SRD5A1: variants seen among roughly 807,000 people sequenced by gnomAD.
SRD5A1 encodes 3-oxo-5-alpha-steroid 4-dehydrogenase 1.
SRD5A1 carries 22 observed loss-of-function variants against 28.2 expected under a neutral mutation model. That is an observed-to-expected ratio of 0.78 (90% CI 0.56 to 1.12). The LOEUF (loss-of-function observed/expected upper bound fraction) is 1.12, where lower values mean the gene tolerates loss of function less well. Among genes scored for constraint, SRD5A1 ranks in the 50% most tolerant of loss-of-function variants. The pLI is 0.00. For synonymous variants in SRD5A1, 151 were observed against 135.0 expected (o/e 1.12, Z -0.82); for missense variants, 300 against 346.7 (o/e 0.87, Z 1.07).
At chr5:6,636,928 G>A (rs1738200921) in intron 1 of SRD5A1, among the ~76,000 whole-genome samples, 5 of 152,122 alleles carry the variant, frequency 3.3e-5, no homozygotes, top group Admixed American at 1.3e-4. Context: ...ACAGGGCTGG[G>A]GTGGGGGGAT....
chr5:6,661,896 A>G (rs1333873702), intron 3 of SRD5A1, among the ~76,000 whole-genome samples: 1 of 151,200 alleles, frequency 6.6e-6, no homozygotes, highest in Non-Finnish European at 1.5e-5. Context: ...CTCTGCAGAC[A>G]TAGTGTCCAG....
In SRD5A1 at chr5:6,672,108, G is replaced by A; in HGVS notation, c.*3840G>A. On this transcript the variant is annotated 3_prime_UTR_variant, in exon 5 of 5. Transcript: ENST00000274192. Reference sequence around the variant, plus strand: ...TCCCATTTATGATCTTGGGCCAACAGCCACCAGCCTCTGTTCATGCAGTCT... The same window carrying A: ...TCCCATTTATGATCTTGGGCCAACAACCACCAGCCTCTGTTCATGCAGTCT... The A allele has an allele frequency of 6.6e-6, 1 of 152,358 alleles. No homozygotes were observed. The highest frequency in any genetic ancestry group is 1.5e-5 in the Non-Finnish European group (1 of 68,092). 9.4% of individuals were successfully genotyped at this position (152,358 alleles called of 1,614,324 possible).
chr5:6,640,084 T>C lies in SRD5A1; in HGVS notation c.293+6215T>C, dbSNP rs8192157. ...GGATTTCATATGCTTGGGCCAGACA[T>C]TCCCATGTCTCAACGGGTCCTCATG... On this transcript the variant is annotated intron_variant, in intron 1 of 4. Coordinates refer to ENST00000274192, the MANE Select transcript of SRD5A1 (RefSeq NM_001047.4). Among the ~76,000 whole-genome samples, 659 of 152,250 alleles carry C rather than the reference T, an allele frequency of 4.3e-3. 4 individuals are homozygous for C. Among genetic ancestry groups the C allele is most frequent in the African/African-American group, 0.015 (625 of 41,538 alleles).
At chr5:6,666,186 C>T (rs761516053) in intron 4 of SRD5A1, among the ~76,000 whole-genome samples, 10 of 151,894 alleles carry the variant, frequency 6.6e-5, no homozygotes, top group Non-Finnish European at 1.3e-4. Context: ...CTCGCTCTGT[C>T]GCCCAGGCTG....
At position 6,673,390 on chromosome 5, in the gene SRD5A1, A is replaced by G. The variant is rs1739418390; in HGVS notation, c.*5122A>G. The G allele has an allele frequency of 6.6e-6, 1 of 152,248 alleles. No homozygotes were observed. Among genetic ancestry groups the G allele is most frequent in the African/African-American group, 2.4e-5 (1 of 41,466 alleles). 9.4% of individuals were successfully genotyped at this position (152,248 alleles called of 1,614,324 possible). On this transcript the variant is annotated 3_prime_UTR_variant, in exon 5 of 5. Coordinates refer to ENST00000274192, the MANE Select transcript of SRD5A1 (RefSeq NM_001047.4). ...TGCAAATTGAAACAACAGTACCACC[A>G]CACACCTATCAGAATGGCCAAAATC... is the stretch of plus-strand genomic sequence containing the variant.
chr5:6,671,457 G>T lies in SRD5A1; in HGVS notation c.*3189G>T, dbSNP rs1040541483. 1.3e-5 allele frequency: 2 copies of T among 152,084 alleles called. No individual in the cohort carries two copies. The highest frequency in any genetic ancestry group is 1.5e-5 in the Non-Finnish European group (1 of 68,014). The allele number at this position is 152,084 out of a possible 1,614,324, so 9.4% of individuals were successfully genotyped here. A position where few individuals can be genotyped will look rare whatever the true frequency, so the allele number is the denominator to read the frequency against. ...AAGATTTTCTCCCACTCTGTGCGTT[G>T]TCTGTTTACTCTGCTGACTGTTGCT... On this transcript the variant is annotated 3_prime_UTR_variant, in exon 5 of 5. Transcript: ENST00000274192.
chr5:6,657,658 CA>C (rs1276162189), intron 3 of SRD5A1, among the ~76,000 whole-genome samples: 2 of 152,216 alleles, frequency 1.3e-5, no homozygotes, highest in Non-Finnish European at 2.9e-5. Context: ...CACAGACTGG[CA>C]GATTTGAGAA....
chr5:6,638,865 A>G lies in SRD5A1; in HGVS notation c.293+4996A>G, dbSNP rs374642670. 1.2e-3 allele frequency among the ~76,000 whole-genome samples: 178 copies of G among 152,380 alleles called. 3 individuals are homozygous for G. The highest frequency in any genetic ancestry group is 4.0e-3 in the African/African-American group (165 of 41,584). ...AACAGACCCAAATCTAGGAAGTGCC[A>G]TAGATTTCAATGGTCTCACGTTGTT... On this transcript the variant is annotated intron_variant, in intron 1 of 4. Transcript: ENST00000274192.
intron 2 of SRD5A1, among the ~76,000 whole-genome samples, chr5:6,652,873 C>CAAAAA (rs11343625): frequency 4.2e-5 from 4 of 95,158 alleles, no homozygotes; most frequent in South Asian, 3.6e-4. Flanking sequence ...GACTCTGTCT[C>CAAAAA]AAAAAAAAAA....
intron 1 of SRD5A1, among the ~76,000 whole-genome samples, chr5:6,649,127 C>T (rs542205035): frequency 1.3e-5 from 2 of 152,248 alleles, no homozygotes; most frequent in South Asian, 4.1e-4. Context: ...CGCCAGATGC[C>T]AGCCAGAGCT....
At chr5:6,640,239 C>T (rs1738320703) in intron 1 of SRD5A1, among the ~76,000 whole-genome samples, 1 of 152,144 alleles carries the variant, frequency 6.6e-6, no homozygotes, top group Non-Finnish European at 1.5e-5. Flanking sequence ...ATAATAGTCA[C>T]AGTTTTGCAG....
chr5:6,645,016 G>C (rs760223129), intron 1 of SRD5A1: 1 of 455,924 alleles, frequency 2.2e-6, no homozygotes, highest in East Asian at 7.0e-5. Flanking sequence ...CACACTTACT[G>C]GCCAACACGT....
rs1739385795 is a variant in SRD5A1 at position 6,672,350 on chromosome 5, A to C, written c.*4082A>C. ...GAGTGCAATGGTGCGATCTTGGCTC[A>C]CTGCAAGCTGTGCCTCCCGGGTTCA... is the stretch of plus-strand genomic sequence containing the variant. On this transcript the variant is annotated 3_prime_UTR_variant, in exon 5 of 5. Coordinates refer to ENST00000274192, the MANE Select transcript of SRD5A1 (RefSeq NM_001047.4). The C allele has an allele frequency of 6.6e-6, 1 of 152,258 alleles. No homozygotes were observed. The highest frequency in any genetic ancestry group is 1.5e-5 in the Non-Finnish European group (1 of 68,096). 9.4% of individuals were successfully genotyped at this position (152,258 alleles called of 1,614,324 possible).
chr5:6,656,537 A>G (rs1156879060), intron 3 of SRD5A1, among the ~76,000 whole-genome samples: 1 of 152,216 alleles, frequency 6.6e-6, no homozygotes, highest in Non-Finnish European at 1.5e-5. Flanking sequence ...AAACATTGGA[A>G]TATTTTGAAA....
At chr5:6,665,631 T>A (rs1579417342) in intron 4 of SRD5A1, among the ~76,000 whole-genome samples, 1 of 152,266 alleles carries the variant, frequency 6.6e-6, no homozygotes, top group East Asian at 1.9e-4. Flanking sequence ...TAATATTTGA[T>A]GTGAAGAAGT....
chr5:6,655,111 T>G (rs1372837467), intron 2 of SRD5A1, among the ~76,000 whole-genome samples: 2 of 152,232 alleles, frequency 1.3e-5, no homozygotes, highest in East Asian at 3.8e-4. Context: ...TCCATGTCCT[T>G]TTTCTAACTG....
At chr5:6,650,711 A>G (rs1738644595) in intron 1 of SRD5A1, among the ~76,000 whole-genome samples, 1 of 150,936 alleles carries the variant, frequency 6.6e-6, no homozygotes, top group South Asian at 2.1e-4. Flanking sequence ...TTACATATGT[A>G]TACATGTGCC....
chr5:6,673,076 G>A lies in SRD5A1; in HGVS notation c.*4808G>A. 6.6e-6 allele frequency: 1 copy of A among 152,160 alleles called. No individual in the cohort carries two copies. Among genetic ancestry groups the A allele is most frequent in the Non-Finnish European group, 1.5e-5 (1 of 68,028 alleles). The allele number at this position is 152,160 out of a possible 1,614,324, so 9.4% of individuals were successfully genotyped here. On this transcript the variant is annotated 3_prime_UTR_variant, in exon 5 of 5. Transcript: ENST00000274192. The stretch of plus-strand genomic sequence containing the variant: ...GTTCCCAATTCAGATCCTCTGGGGA[G>A]GGCATCAATTATTTCCTATTGTTTT...
At chr5:6,639,013 T>C (rs1485126605) in intron 1 of SRD5A1, among the ~76,000 whole-genome samples, 1 of 152,276 alleles carries the variant, frequency 6.6e-6, no homozygotes, top group Non-Finnish European at 1.5e-5. Context: ...TATTTCATTG[T>C]TCCCAAACTT....
Sources: allele counts gnomAD v4.1 joint callset (sites outside exome capture counted in the v4.1 genomes callset), GRCh38; gene constraint gnomAD v4.1.1; transcripts MANE v1.5; gene names NCBI Gene and HGNC (gene_info 2026-07-23, HGNC 2026-07-21).